Variants in TRABD2B observed in about 807,000 individuals in gnomAD.
TRABD2B encodes TraB domain containing 2B.
A neutral mutation model predicts 40.1 loss-of-function variants in TRABD2B; 14 were observed. The observed-to-expected ratio is 0.35, with a 90% confidence interval of 0.23 to 0.55. The LOEUF (loss-of-function observed/expected upper bound fraction) is 0.55, where lower values mean the gene tolerates loss of function less well. TRABD2B is among the 20% of genes least tolerant of loss of function. The pLI, the probability that TRABD2B is intolerant of heterozygous loss-of-function variation, is 0.90. For synonymous variants in TRABD2B, 263 were observed against 277.0 expected, an observed-to-expected ratio of 0.95 and a Z score of 0.50; for missense variants, 541 against 648.6, an observed-to-expected ratio of 0.83 and a Z score of 1.80.
At chr1:47,943,819 C>T (rs1163517601) in intron 2 of TRABD2B, among the ~76,000 whole-genome samples, 2 of 150,560 alleles carry the variant, frequency 1.3e-5, no homozygotes, top group Non-Finnish European at 3.0e-5. Context: ...TGGAAAGAAA[C>T]ATCAGCTGCA....
intron 2 of TRABD2B, among the ~76,000 whole-genome samples, chr1:47,965,854 T>C (rs957352046): frequency 3.3e-5 from 5 of 152,152 alleles, no homozygotes; most frequent in Non-Finnish European, 7.3e-5. Flanking sequence ...CCCAGACCCA[T>C]GGAGAATAGA....
chr1:47,814,253 C>A (rs1645001677), intron 2 of TRABD2B, among the ~76,000 whole-genome samples: 1 of 152,180 alleles, frequency 6.6e-6, no homozygotes, highest in African/African-American at 2.4e-5. Flanking sequence ...ATGGGATAGA[C>A]CCAGAGCAGG....
chr1:47,829,615 C>T (rs1019870387), intron 2 of TRABD2B, among the ~76,000 whole-genome samples: 2 of 152,168 alleles, frequency 1.3e-5, no homozygotes, highest in African/African-American at 2.4e-5. Flanking sequence ...TCTGTCGCCA[C>T]TCCCATGCTC....
rs542352089 is a variant in TRABD2B at position 47,764,143 on chromosome 1, A to G, written c.*1759T>C. ...GGAGATAGCTGCCAAGCTGGGCAAG[A>G]TGGCACTGGGGCCAATTAGCTGCCA... On this transcript the variant is annotated 3_prime_UTR_variant, in exon 7 of 7. Coordinates refer to ENST00000606738, the MANE Select transcript of TRABD2B (RefSeq NM_001194986.2). The G allele has an allele frequency of 1.6e-4, 25 of 152,372 alleles. No homozygotes were observed. Among genetic ancestry groups the G allele is most frequent in the African/African-American group, 5.3e-4 (22 of 41,598 alleles). The allele number at this position is 152,372 out of a possible 1,614,324, so 9.4% of individuals were successfully genotyped here.
At chr1:47,796,413 C>T (rs1378334977) in intron 3 of TRABD2B, among the ~76,000 whole-genome samples, 6 of 152,090 alleles carry the variant, frequency 3.9e-5, no homozygotes, top group African/African-American at 1.4e-4. Flanking sequence ...TAATTTTCTA[C>T]AGGATTAAGC....
intron 2 of TRABD2B, among the ~76,000 whole-genome samples, chr1:47,855,762 A>T (rs532824563): frequency 5.1e-4 from 77 of 152,350 alleles, no homozygotes; most frequent in Admixed American, 5.0e-3. Context: ...GGAAAGACAC[A>T]GAGGGCTTAC....
At chr1:47,798,583 C>T (rs1021266153) in intron 3 of TRABD2B, among the ~76,000 whole-genome samples, 3 of 152,204 alleles carry the variant, frequency 2.0e-5, no homozygotes, top group African/African-American at 7.2e-5. Context: ...CCCAGGCCTG[C>T]ACCTGTCCTG....
In TRABD2B at chr1:47,952,925, C is replaced by T. The variant is rs560263219; in HGVS notation, c.666+41109G>A. On this transcript the variant is annotated intron_variant, in intron 2 of 6. Transcript: ENST00000606738. ...GACTATCAGCTCCCAGAGGAAGGTG[C>T]GGGTCTCCTCTTGCCCTGTCTTTTG... is the stretch of plus-strand genomic sequence containing the variant. 6.6e-5 allele frequency among the ~76,000 whole-genome samples: 10 copies of T among 152,256 alleles called. No individual in the cohort carries two copies. The East Asian group carries it at 1.4e-3, about 21-fold the overall frequency.
chr1:47,904,347 C>A (rs987726606), intron 2 of TRABD2B, among the ~76,000 whole-genome samples: 55 of 152,224 alleles, frequency 3.6e-4, no homozygotes, highest in Admixed American at 3.5e-3. Flanking sequence ...GAGAAGCAGG[C>A]AGGAGAAATC....
chr1:47,914,722 T>G (rs1380866029), intron 2 of TRABD2B, among the ~76,000 whole-genome samples: 1 of 152,216 alleles, frequency 6.6e-6, no homozygotes, highest in Non-Finnish European at 1.5e-5. Context: ...CCATTGGCAC[T>G]GCTCAGAAGG....
chr1:47,962,194 C>T (rs1645528705), intron 2 of TRABD2B, among the ~76,000 whole-genome samples: 1 of 150,640 alleles, frequency 6.6e-6, no homozygotes, highest in Admixed American at 6.6e-5. Flanking sequence ...AGGGGAACAT[C>T]ACACGCCGGG....
intron 6 of TRABD2B, among the ~76,000 whole-genome samples, chr1:47,767,062 G>A (rs1265510595): frequency 3.9e-5 from 6 of 152,192 alleles, no homozygotes; most frequent in Non-Finnish European, 7.3e-5. Flanking sequence ...AAATGGACAG[G>A]CAGAGAGAGA....
At chr1:47,950,931 C>A (rs1418206859) in intron 2 of TRABD2B, among the ~76,000 whole-genome samples, 4 of 152,226 alleles carry the variant, frequency 2.6e-5, no homozygotes, top group Non-Finnish European at 5.9e-5. Flanking sequence ...GGGACCTGAA[C>A]CCTTGGGCCT....
At chr1:47,786,674 G>A (rs950307093) in intron 4 of TRABD2B, among the ~76,000 whole-genome samples, 2 of 152,212 alleles carry the variant, frequency 1.3e-5, no homozygotes, top group Admixed American at 6.5e-5. Context: ...TTGCCAGTGA[G>A]AGAGGATAGC....
chr1:47,968,599 C>T (rs1380056338), intron 2 of TRABD2B, among the ~76,000 whole-genome samples: 1 of 152,218 alleles, frequency 6.6e-6, no homozygotes, highest in African/African-American at 2.4e-5. Flanking sequence ...CTTTGAATCA[C>T]CTCAACCACT....
intron 2 of TRABD2B, among the ~76,000 whole-genome samples, chr1:47,944,005 C>T (rs998152484): frequency 6.6e-6 from 1 of 152,212 alleles, no homozygotes; most frequent in Admixed American, 6.5e-5. Context: ...ATTTCTGCAA[C>T]CTAATATATG....
chr1:47,926,784 T>C (rs1310921346), intron 2 of TRABD2B, among the ~76,000 whole-genome samples: 2 of 152,162 alleles, frequency 1.3e-5, no homozygotes, highest in Non-Finnish European at 2.9e-5. Context: ...CACAGACTGG[T>C]GCCAACTACT....
chr1:47,824,345 G>GGA, intron 2 of TRABD2B, among the ~76,000 whole-genome samples: 1 of 152,284 alleles, frequency 6.6e-6, no homozygotes, highest in South Asian at 2.1e-4. Flanking sequence ...TGAGTTACCA[G>GGA]CGCCCCCTCA....
chr1:47,945,885 G>C (rs1269682352), intron 2 of TRABD2B, among the ~76,000 whole-genome samples: 1 of 152,186 alleles, frequency 6.6e-6, no homozygotes, highest in Admixed American at 6.5e-5. Flanking sequence ...GTGAACAGAG[G>C]TTTTGATTTC....
Sources: allele counts gnomAD v4.1 joint callset (sites outside exome capture counted in the v4.1 genomes callset), GRCh38; gene constraint gnomAD v4.1.1; transcripts MANE v1.5; gene names NCBI Gene and HGNC (gene_info 2026-07-23, HGNC 2026-07-21).